Variants in WNK2 observed in about 807,000 individuals in gnomAD.
WNK2 encodes WNK lysine deficient protein kinase 2, also known as serine/threonine-protein kinase WNK2.
Under a neutral mutation model 192.1 loss-of-function variants are expected in WNK2, and 67 were observed. That is an observed-to-expected ratio of 0.35 (90% CI 0.29 to 0.43). WNK2 has a LOEUF of 0.43. WNK2 is among the 20% of genes least tolerant of loss of function. The pLI, the probability that WNK2 is intolerant of heterozygous loss-of-function variation, is 1.00. For missense variants in WNK2, 2,698 were observed against 3,089.7 expected (o/e 0.87, Z 3.01); for synonymous variants, 1,439 against 1,393.9 (o/e 1.03, Z -0.72).
Position 93,216,558 on chromosome 9 carries a change from C to T in WNK2, c.682-13138C>T, listed in dbSNP as rs144285504. ...GGAGGATTGCTTGAGCCTGGGAGGT[C>T]GAGGCTGCAGTGAGCCATGATCACA... On this transcript the variant is annotated intron_variant, in intron 2 of 29. Coordinates refer to ENST00000427277, the MANE Select transcript of WNK2 (RefSeq NM_006648.4). 2.6e-3 allele frequency among the ~76,000 whole-genome samples: 398 copies of T among 151,920 alleles called. 1 individual carries two copies. Among genetic ancestry groups the T allele is most frequent in the African/African-American group, 9.3e-3 (384 of 41,430 alleles).
Position 93,259,190 on chromosome 9 carries a change from C to A in WNK2, c.2642C>A (p.Pro881Gln). The A allele has an allele frequency of 6.2e-7, 1 of 1,612,870 alleles. No homozygotes were observed. Among genetic ancestry groups the A allele is most frequent in the Non-Finnish European group, 8.5e-7 (1 of 1,179,752 alleles). Residue 881 changes from proline to glutamine, a missense_variant, in exon 12 of 30, where the codon CCG (proline) becomes CAG (glutamine). Physicochemically the swap from Pro to Gln is moderately conservative, Grantham distance 76 (BLOSUM62 -1). Coordinates refer to ENST00000427277, the MANE Select transcript of WNK2 (RefSeq NM_006648.4). This position sits in a 1 kb window ranked among gnomAD's most constrained non-coding sequence, Gnocchi z 4.8. Reference sequence around the variant, plus strand: ...TGCCGGACCATTGTGCCAAATGCACCGGCCACTATCCCCCTGCTGGCCGTA... The same window carrying A: ...TGCCGGACCATTGTGCCAAATGCACAGGCCACTATCCCCCTGCTGGCCGTA... Reference protein sequence around the residue: ...MPCRTIVPNAPATIPLLAVAP... With the variant: ...MPCRTIVPNAQATIPLLAVAP...
intron 9 of WNK2, among the ~76,000 whole-genome samples, chr9:93,255,523 A>G (rs1208967283): frequency 2.6e-5 from 4 of 152,046 alleles, no homozygotes; most frequent in Non-Finnish European, 5.9e-5. Flanking sequence ...TTCATAAAGC[A>G]CCCACCGCGA....
intron 19 of WNK2, among the ~76,000 whole-genome samples, chr9:93,284,966 T>C (rs2133693965): frequency 6.6e-6 from 1 of 152,362 alleles, no homozygotes; most frequent in Middle Eastern, 3.4e-3. Flanking sequence ...TGGAAATAAA[T>C]ACATAATGCA....
At chr9:93,314,491 C>T (rs570162575) in intron 28 of WNK2, among the ~76,000 whole-genome samples, 1 of 151,872 alleles carries the variant, frequency 6.6e-6, no homozygotes, top group Non-Finnish European at 1.5e-5. Context: ...CCTATAGTTA[C>T]AGCTACTAAA....
Position 93,288,917 on chromosome 9 carries a change from C to T in WNK2, c.4163C>T (p.Ser1388Phe). The change falls in exon 20 of 30, where the codon TCC becomes TTC. Residue 1388 changes from serine to phenylalanine, a missense_variant. Transcript: ENST00000427277. ...CCCCCAGCCCCTTTGGCCCCCTCCT[C>T]CCCTCCTGTGACTGCTCTGCCCCAA... Reference protein sequence around the residue: ...GAPPAPLAPSSPPVTALPQDG... With the variant: ...GAPPAPLAPSFPPVTALPQDG... 3.1e-6 allele frequency: 5 copies of T among 1,607,196 alleles called. No homozygotes were observed. The highest frequency in any genetic ancestry group is 1.7e-4 in the Middle Eastern group (1 of 6,044).
intron 19 of WNK2, among the ~76,000 whole-genome samples, chr9:93,283,394 G>A (rs537792133): frequency 6.6e-6 from 1 of 152,110 alleles, no homozygotes; most frequent in Non-Finnish European, 1.5e-5. Context: ...GCATTAGTAA[G>A]CCCCCTGTGA....
chr9:93,319,232 T>A (rs1263930789), intron 29 of WNK2: 2 of 1,604,354 alleles, frequency 1.2e-6, no homozygotes, highest in East Asian at 4.5e-5. Context: ...CATCTTTTTC[T>A]TACCCTCTAT....
chr9:93,190,185 G>A (rs902185674), intron 2 of WNK2, among the ~76,000 whole-genome samples: 1 of 152,240 alleles, frequency 6.6e-6, no homozygotes. Flanking sequence ...AAAGGCCTGT[G>A]CAGACGGACT....
chr9:93,267,898 C>T lies in WNK2; in HGVS notation c.3849C>T (p.Cys1283=), dbSNP rs372358037. The T allele has an allele frequency of 2.5e-5, 41 of 1,612,326 alleles. 1 individual carries two copies. Among genetic ancestry groups the T allele is most frequent in the South Asian group, 1.4e-4 (13 of 90,760 alleles). The stretch of plus-strand genomic sequence containing the variant: ...CCAGCCCGCCACACCTCAGCACCTG[C>T]GGCCTGGGCACCGGGGAGGTGAGGT... ...PGTSPPHLST[C]GLGTGEESRQ... The change falls in exon 17 of 30, where the codon TGC becomes TGT. Residue 1283 remains cysteine, a synonymous_variant. Coordinates refer to ENST00000427277, the MANE Select transcript of WNK2 (RefSeq NM_006648.4).
At chr9:93,219,600 G>C (rs1036701334) in intron 2 of WNK2, among the ~76,000 whole-genome samples, 6 of 152,254 alleles carry the variant, frequency 3.9e-5, no homozygotes. Flanking sequence ...GGCTGGGCAG[G>C]CGCCTACTCA....
chr9:93,230,764 C>T (rs530835936), intron 3 of WNK2, 124 bp from the exon 4 acceptor site: 65 of 881,394 alleles, frequency 7.4e-5, no homozygotes, highest in East Asian at 5.3e-4. Flanking sequence ...CTACCTGTCA[C>T]GGGTATGTGC....
intron 2 of WNK2, among the ~76,000 whole-genome samples, chr9:93,188,321 G>A (rs1829721264): frequency 6.6e-6 from 1 of 152,150 alleles, no homozygotes; most frequent in African/African-American, 2.4e-5. Context: ...CGGGAGAAAC[G>A]CCTTCATGTG....
chr9:93,271,347 A>G (rs1845978571), intron 19 of WNK2, among the ~76,000 whole-genome samples: 1 of 152,256 alleles, frequency 6.6e-6, no homozygotes, highest in Admixed American at 6.5e-5. Flanking sequence ...AAATGTTCAG[A>G]ATAGAATTCA....
chr9:93,209,921 G>A (rs1834184368), intron 2 of WNK2, among the ~76,000 whole-genome samples: 1 of 152,184 alleles, frequency 6.6e-6, no homozygotes, highest in African/African-American at 2.4e-5. Flanking sequence ...CCCAGAGCAT[G>A]GCCAGGGAGG....
At chr9:93,215,303 T>C (rs2131640893) in intron 2 of WNK2, among the ~76,000 whole-genome samples, 1 of 152,130 alleles carries the variant, frequency 6.6e-6, no homozygotes, top group East Asian at 1.9e-4. Context: ...GTAGAGACAG[T>C]TTCGTCATGT....
At chr9:93,298,180 G>A in intron 24 of WNK2, 113 bp downstream of exon 24, 1 of 1,152,816 alleles carries the variant, frequency 8.7e-7, no homozygotes, top group Non-Finnish European at 1.2e-6. Flanking sequence ...GACCACTCGG[G>A]GTTATCTCCT....
intron 4 of WNK2, among the ~76,000 whole-genome samples, chr9:93,233,410 G>A (rs1462668559): frequency 6.6e-6 from 1 of 151,866 alleles, no homozygotes; most frequent in Non-Finnish European, 1.5e-5. Context: ...CTTTAAAAAA[G>A]AGTGGCCAGG....
intron 6 of WNK2, among the ~76,000 whole-genome samples, chr9:93,238,709 T>A (rs1840235409): frequency 6.6e-6 from 1 of 152,310 alleles, no homozygotes; most frequent in South Asian, 2.1e-4. Context: ...TTGAAGAACA[T>A]CCCCACGCCA....
Position 93,185,349 on chromosome 9 carries a change from C to A in WNK2, c.420C>A (p.Asp140Glu). The change falls in exon 2 of 30, where the codon GAC becomes GAA. Residue 140 changes from aspartate (D) to glutamate (E), a missense_variant. By Grantham distance (45) the Asp-to-Glu change is conservative. Transcript: ENST00000427277. Reference sequence around the variant, plus strand: ...CTGTCGAAACCGCGCCTGCCCCCGACGGCGGCCCCAGGGAGGAGGCGGCGG... The same window carrying A: ...CTGTCGAAACCGCGCCTGCCCCCGAAGGCGGCCCCAGGGAGGAGGCGGCGG... ...AAAVETAPAP[D>E]GGPREEAAAT... The A allele has an allele frequency of 6.4e-7, 1 of 1,552,018 alleles. No individual in the cohort carries two copies. The highest frequency in any genetic ancestry group is 8.7e-7 in the Non-Finnish European group (1 of 1,152,092).
Sources: allele counts gnomAD v4.1 joint callset (sites outside exome capture counted in the v4.1 genomes callset), GRCh38; gene constraint gnomAD v4.1.1; non-coding constraint Gnocchi (gnomAD v3.1); transcripts MANE v1.5; gene names NCBI Gene and HGNC (gene_info 2026-07-23, HGNC 2026-07-21).